Variants in CYFIP2 observed in about 807,000 individuals in gnomAD.
CYFIP2 encodes cytoplasmic FMR1 interacting protein 2, also known as cytoplasmic FMR1-interacting protein 2.
Under a neutral mutation model 158.7 loss-of-function variants are expected in CYFIP2, and 29 were observed. The observed-to-expected ratio is 0.18, with a 90% CI of 0.14 to 0.25. CYFIP2 has a LOEUF of 0.25. CYFIP2 is among the 10% of genes least tolerant of loss of function. The pLI is 1.00. For missense variants in CYFIP2, 852 were observed against 1,639.5 expected (o/e 0.52, Z 8.29); for synonymous variants, 585 against 617.6 (o/e 0.95, Z 0.78).
intron 6 of CYFIP2, 39 bp downstream of exon 6, chr5:157,300,935 G>T: frequency 6.7e-7 from 1 of 1,497,504 alleles, no homozygotes; most frequent in Non-Finnish European, 9.0e-7. Context: ...CCCCATCCAG[G>T]CCCCTCCTCC....
At chr5:157,284,166 C>T (rs1190850799) in intron 1 of CYFIP2, among the ~76,000 whole-genome samples, 1 of 152,082 alleles carries the variant, frequency 6.6e-6, no homozygotes, top group African/African-American at 2.4e-5. Flanking sequence ...CTCTCAATCC[C>T]TCTGTTCTCA....
intron 1 of CYFIP2, among the ~76,000 whole-genome samples, chr5:157,268,889 C>T (rs951429547): frequency 6.6e-6 from 1 of 152,186 alleles, no homozygotes; most frequent in African/African-American, 2.4e-5. Context: ...CTGCTGCCTT[C>T]TTGGCAGTGA....
At chr5:157,293,880 CTGAT>C (rs776666560) in intron 3 of CYFIP2, among the ~76,000 whole-genome samples, 36 of 152,000 alleles carry the variant, frequency 2.4e-4, no homozygotes, top group Non-Finnish European at 4.0e-4. Flanking sequence ...GGAATGGGTG[CTGAT>C]TGATTGGGGA....
At chr5:157,267,832 T>G (rs1207065457) in intron 1 of CYFIP2, among the ~76,000 whole-genome samples, 1 of 152,246 alleles carries the variant, frequency 6.6e-6, no homozygotes, top group Non-Finnish European at 1.5e-5. Flanking sequence ...GCTGGGTAGT[T>G]CTTTTGGGAA....
At chr5:157,360,465 G>GC in intron 25 of CYFIP2, 93 bp downstream of exon 25, 5 of 1,062,414 alleles carry the variant, frequency 4.7e-6, no homozygotes, top group Non-Finnish European at 6.9e-6. Flanking sequence ...TAACATGCCA[G>GC]TGAGCTGGCA....
At chr5:157,312,868 A>T (rs373619) in intron 11 of CYFIP2, among the ~76,000 whole-genome samples, 100,790 of 152,070 alleles carry the variant, frequency 0.66, 34,602 homozygotes, top group Admixed American at 0.8. Flanking sequence ...TCTTTTAAAA[A>T]TTTTTTTTAA....
Position 157,395,448 on chromosome 5 carries a change from C to T in CYFIP2, c.*2448C>T, listed in dbSNP as rs894538205. 4.7e-6 allele frequency: 2 copies of T among 425,918 alleles called. No homozygotes were observed. Among genetic ancestry groups the T allele is most frequent in the South Asian group, 1.8e-5 (1 of 56,300 alleles). The allele number at this position is 425,918 out of a possible 1,614,324, so 26.4% of individuals were successfully genotyped here. On this transcript the variant is annotated 3_prime_UTR_variant, in exon 31 of 31. Coordinates refer to ENST00000620254, the MANE Select transcript of CYFIP2 (RefSeq NM_001037333.3). ...ATTTATTTATGGTGACATATTTACG[C>T]TTGTGATCAAATAATGATGTTAAAT...
chr5:157,275,392 A>G (rs1293607887), intron 1 of CYFIP2, among the ~76,000 whole-genome samples: 2 of 152,224 alleles, frequency 1.3e-5, no homozygotes, highest in South Asian at 2.1e-4. Context: ...CAGTTGTCCT[A>G]GAATCATTTG....
chr5:157,364,774 A>G (rs982896853), intron 26 of CYFIP2: 1 of 152,148 alleles, frequency 6.6e-6, no homozygotes, highest in African/African-American at 2.4e-5. Context: ...GGAAGCTAGA[A>G]TTAAATTTTT....
At chr5:157,335,325 T>C (rs1384472944) in intron 21 of CYFIP2, among the ~76,000 whole-genome samples, 2 of 152,236 alleles carry the variant, frequency 1.3e-5, no homozygotes, top group Non-Finnish European at 2.9e-5. Flanking sequence ...TTGCCTAGGC[T>C]GTAGTGCAGT....
At position 157,310,019 on chromosome 5, in the gene CYFIP2, C is replaced by T. The variant is rs552625229; in HGVS notation, c.992+185C>T. Among the ~76,000 whole-genome samples the T allele has an allele frequency of 7.9e-5, 12 of 152,302 alleles. No homozygotes were observed. The East Asian group carries it at 2.3e-3, about 29-fold the overall frequency. ...TGAGCCCTTTTGTATCCGCCCTCTGCTGCCAGCTTCAAAAGGGCTCAGAGC... is the reference window on the plus strand; with the variant it reads ...TGAGCCCTTTTGTATCCGCCCTCTGTTGCCAGCTTCAAAAGGGCTCAGAGC... On this transcript the variant is annotated intron_variant, in intron 10 of 30. Transcript: ENST00000620254.
chr5:157,343,615 A>AT lies in CYFIP2; in HGVS notation c.2673+2461dup, dbSNP rs1433162776. The stretch of plus-strand genomic sequence containing the variant: ...TGTATTTATCATAATCATAGCCACC[A>AT]TTTATTGCACATTTGAGACGGGCAC... On this transcript the variant is annotated intron_variant, in intron 23 of 30. Transcript: ENST00000620254. 19 of 1,214,296 alleles carry AT rather than the reference A, an allele frequency of 1.6e-5. 1 individual carries two copies. In the Middle Eastern group the frequency reaches 6.1e-4, roughly 39 times the overall value. The allele number at this position is 1,214,296 out of a possible 1,614,324, so 75.2% of individuals were successfully genotyped here. A position where few individuals can be genotyped will look rare whatever the true frequency, so the allele number is the denominator to read the frequency against.
At chr5:157,360,459 A>G (rs1033084126) in intron 25 of CYFIP2, 87 bp downstream of exon 25, 9 of 1,132,918 alleles carry the variant, frequency 7.9e-6, no homozygotes, top group Non-Finnish European at 1.1e-5. Context: ...CTTCTCTAAC[A>G]TGCCAGTGAG....
At chr5:157,330,120 G>C (rs1368849331) in intron 19 of CYFIP2, among the ~76,000 whole-genome samples, 1 of 152,022 alleles carries the variant, frequency 6.6e-6, no homozygotes, top group African/African-American at 2.4e-5. Context: ...AGAGACTTTG[G>C]ACTTCCTAAC....
At position 157,359,029 on chromosome 5, in the gene CYFIP2, A is replaced by G. The variant is rs1325752383; in HGVS notation, c.2698A>G (p.Ile900Val). The G allele has an allele frequency of 6.2e-7, 1 of 1,613,986 alleles. No individual in the cohort carries two copies. Among genetic ancestry groups the G allele is most frequent in the Non-Finnish European group, 8.5e-7 (1 of 1,179,876 alleles). ...SKPLNIAYSH[I>V]YSSYRNFVGP... The stretch of plus-strand genomic sequence containing the variant: ...GCCTCTCAACATTGCCTACAGCCAC[A>G]TCTACAGCTCCTACAGGAATTTCGT... The change falls in exon 24 of 31, where the codon ATC becomes GTC. Residue 900 changes from isoleucine to valine, a missense_variant. Physicochemically the swap from Ile to Val is conservative, Grantham distance 29 (BLOSUM62 3). This residue lies in a region of CYFIP2 where 191 missense variants were observed against 311.2 expected (regional missense o/e 0.61). Coordinates refer to ENST00000620254, the MANE Select transcript of CYFIP2 (RefSeq NM_001037333.3).
rs143054162 is a variant in CYFIP2 at position 157,365,501 on chromosome 5, G to A, written c.3039+3903G>A. On this transcript the variant is annotated intron_variant, in intron 26 of 30. Coordinates refer to ENST00000620254, the MANE Select transcript of CYFIP2 (RefSeq NM_001037333.3). ...TATTAGTACAGAAACCCAGGTACCT[G>A]TGCATCATTTTTCTGGTTTTTGGTT... is the stretch of plus-strand genomic sequence containing the variant. 18 of 152,198 alleles carry A rather than the reference G, an allele frequency of 1.2e-4. No individual in the cohort carries two copies. The East Asian group carries it at 3.5e-3, about 29-fold the overall frequency. 9.4% of individuals were successfully genotyped at this position (152,198 alleles called of 1,614,324 possible).
intron 3 of CYFIP2, among the ~76,000 whole-genome samples, chr5:157,292,206 CTTTTTTTATTTTTA>C: frequency 6.8e-6 from 1 of 147,046 alleles, no homozygotes; most frequent in Admixed American, 6.8e-5. Flanking sequence ...TTTCTTTTTT[CTTTTTTTATTTTTA>C]TTTTTTTATT....
intron 15 of CYFIP2, among the ~76,000 whole-genome samples, chr5:157,323,311 G>A (rs954793019): frequency 3.9e-5 from 6 of 152,166 alleles, no homozygotes; most frequent in Non-Finnish European, 7.4e-5. Flanking sequence ...CCAAGGGGGC[G>A]CCATCGCTCA....
intron 28 of CYFIP2, among the ~76,000 whole-genome samples, chr5:157,387,399 A>C (rs1383737212): frequency 6.6e-6 from 1 of 152,212 alleles, no homozygotes; most frequent in Non-Finnish European, 1.5e-5. Flanking sequence ...TGATAACCTC[A>C]GTTGCCAGTT....
Sources: gnomAD v4.1 joint callset for allele counts (sites outside exome capture counted in the v4.1 genomes callset) on GRCh38, gnomAD v4.1.1 for gene constraint, gnomAD v4.1.1 regional missense constraint, MANE v1.5 for transcripts, NCBI Gene and HGNC (gene_info 2026-07-23, HGNC 2026-07-21) for gene names.